NPHP4: variants seen among roughly 807,000 people sequenced by gnomAD.
NPHP4 encodes nephrocystin-4.
Under a neutral mutation model 155.8 loss-of-function variants are expected in NPHP4, and 151 were observed. That is an observed-to-expected ratio of 0.97 (90% confidence interval 0.85 to 1.11). The LOEUF (loss-of-function observed/expected upper bound fraction) is 1.11. NPHP4 is among the 50% of genes least tolerant of loss of function. The pLI, the probability that NPHP4 is intolerant of heterozygous loss-of-function variation, is 0.00. For synonymous variants in NPHP4, 845 were observed against 816.8 expected, an observed-to-expected ratio of 1.03 and a Z score of -0.59; for missense variants, 1,956 against 1,925.7, an observed-to-expected ratio of 1.02 and a Z score of -0.29.
intron 19 of NPHP4, chr1:5,879,571 C>T (rs753827636): frequency 1.2e-5 from 6 of 518,952 alleles, no homozygotes; most frequent in South Asian, 4.2e-5. Flanking sequence ...GCCAACCAGA[C>T]ACAAATGCCA....
chr1:5,913,791 C>T (rs1213348535), intron 11 of NPHP4, among the ~76,000 whole-genome samples: 2 of 152,216 alleles, frequency 1.3e-5, no homozygotes, highest in Non-Finnish European at 2.9e-5. Flanking sequence ...ACAAATAATG[C>T]TCAAATATAC....
In NPHP4 at chr1:5,910,065, G is replaced by A. The variant is rs1449748382; in HGVS notation, c.1442-852C>T. On this transcript the variant is annotated intron_variant, in intron 11 of 29. Transcript: ENST00000378156. This position sits in a 1 kb window ranked among gnomAD's most constrained non-coding sequence, Gnocchi z 5.4. ...AACCCACCAGGCTCCTGCCACAGCG[G>A]TGCTGGAGCGTCCATAGCCACTCGT... is the stretch of plus-strand genomic sequence containing the variant. Among the ~76,000 whole-genome samples the A allele has an allele frequency of 6.6e-6, 1 of 152,222 alleles. No homozygotes were observed. Among genetic ancestry groups the A allele is most frequent in the African/African-American group, 2.4e-5 (1 of 41,458 alleles).
intron 19 of NPHP4, chr1:5,879,444 G>C (rs1642976608): frequency 4.3e-6 from 2 of 468,626 alleles, no homozygotes. Context: ...TCTTTCCCAA[G>C]CTCCATAATT....
chr1:5,956,564 G>T (rs913158742), intron 6 of NPHP4, among the ~76,000 whole-genome samples: 4 of 152,202 alleles, frequency 2.6e-5, no homozygotes, highest in African/African-American at 4.8e-5. Flanking sequence ...ATGGGCTCTG[G>T]AGTAAAGCAC....
intron 22 of NPHP4, among the ~76,000 whole-genome samples, chr1:5,874,086 A>G (rs564999572): frequency 5.6e-4 from 86 of 152,264 alleles, no homozygotes; most frequent in Non-Finnish European, 1.2e-3. Flanking sequence ...CCCCGCACAC[A>G]TGCCTGCAAA....
At chr1:5,879,696 T>C (rs569195749) in intron 19 of NPHP4, 5 of 482,546 alleles carry the variant, frequency 1.0e-5, no homozygotes, top group African/African-American at 7.9e-5. Context: ...CAGGGGCATC[T>C]AGCCAGGGCA....
chr1:5,963,780 C>T (rs7515070), intron 5 of NPHP4, among the ~76,000 whole-genome samples: 91,379 of 150,468 alleles, frequency 0.61, 27,917 homozygotes, highest in East Asian at 0.76. Context: ...CTCCGCCTCC[C>T]GAGTTCAAGC....
intron 3 of NPHP4, among the ~76,000 whole-genome samples, chr1:5,974,736 T>C (rs748188962): frequency 6.6e-6 from 1 of 150,602 alleles, no homozygotes; most frequent in Non-Finnish European, 1.5e-5. Flanking sequence ...GCCTTCTGTG[T>C]TCCAAGTCTC....
At chr1:5,865,385 A>C in intron 26 of NPHP4, 112 bp from the exon 27 acceptor site, 1 of 1,014,960 alleles carries the variant, frequency 9.9e-7, no homozygotes, top group Non-Finnish European at 1.4e-6. Flanking sequence ...GTGCAGGGAA[A>C]GCCCCAGAGG....
intron 11 of NPHP4, among the ~76,000 whole-genome samples, chr1:5,914,286 A>AAAAAAAAAAAAAAAAAAAAAG (rs70977991): frequency 5.0e-5 from 7 of 139,926 alleles, no homozygotes; most frequent in African/African-American, 1.8e-4. Flanking sequence ...AAAAAAAAAA[A>AAAAAAAAAAAAAAAAAAAAAG]GGCCTGGTGT....
At chr1:5,970,730 A>G (rs879351670) in intron 3 of NPHP4, among the ~76,000 whole-genome samples, 3 of 152,176 alleles carry the variant, frequency 2.0e-5, no homozygotes, top group Middle Eastern at 3.2e-3. Flanking sequence ...CTTCCGCTCT[A>G]TGACTTAAAC....
intron 11 of NPHP4, among the ~76,000 whole-genome samples, chr1:5,918,867 G>C (rs1324681461): frequency 1.3e-5 from 2 of 152,170 alleles, no homozygotes; most frequent in African/African-American, 4.8e-5. Context: ...CCCTTCAGTG[G>C]TTTCACAGAG....
intron 12 of NPHP4, among the ~76,000 whole-genome samples, chr1:5,908,053 C>T (rs1339885941): frequency 6.6e-6 from 1 of 152,188 alleles, no homozygotes; most frequent in Non-Finnish European, 1.5e-5. Context: ...TGATGGCTGG[C>T]CCACACCAGG....
At chr1:5,921,156 T>G (rs761646089) in intron 11 of NPHP4, among the ~76,000 whole-genome samples, 3 of 152,258 alleles carry the variant, frequency 2.0e-5, no homozygotes, top group Non-Finnish European at 2.9e-5. Context: ...TCAGAACTTG[T>G]GTTCATTCAA....
At chr1:5,977,262 C>A (rs146962434) in intron 3 of NPHP4, among the ~76,000 whole-genome samples, 1 of 152,196 alleles carries the variant, frequency 6.6e-6, no homozygotes, top group East Asian at 1.9e-4. Context: ...GACGGGGCCA[C>A]CCTGCCAACC....
chr1:5,928,886 T>C (rs185532128), intron 10 of NPHP4, among the ~76,000 whole-genome samples: 5 of 152,366 alleles, frequency 3.3e-5, no homozygotes, highest in Admixed American at 3.3e-4. Flanking sequence ...ACAGCTTTAC[T>C]ATGTTGAGTT....
intron 16 of NPHP4, 31 bp downstream of exon 16, chr1:5,904,586 T>C: frequency 1.3e-6 from 2 of 1,544,392 alleles, no homozygotes; most frequent in Middle Eastern, 1.7e-4. Context: ...GTACAGAATG[T>C]CTTGCCTTTG....
intron 16 of NPHP4, among the ~76,000 whole-genome samples, chr1:5,898,591 C>A (rs2101034517): frequency 6.6e-6 from 1 of 152,384 alleles, no homozygotes; most frequent in South Asian, 2.1e-4. Context: ...CTGATCGGGA[C>A]ATGGCAAAGG....
intron 20 of NPHP4, among the ~76,000 whole-genome samples, chr1:5,875,659 G>C (rs1181310933): frequency 1.3e-5 from 2 of 152,242 alleles, no homozygotes; most frequent in African/African-American, 4.8e-5. Context: ...GCACACATGG[G>C]TTCTACAGGT....
Sources: allele counts gnomAD v4.1 joint callset (sites outside exome capture counted in the v4.1 genomes callset), GRCh38; gene constraint gnomAD v4.1.1; non-coding constraint Gnocchi (gnomAD v3.1); transcripts MANE v1.5; gene names NCBI Gene and HGNC (gene_info 2026-07-23, HGNC 2026-07-21).